TRIM44: variants seen among roughly 807,000 people sequenced by gnomAD.
TRIM44 encodes tripartite motif containing 44.
A neutral mutation model predicts 37.4 loss-of-function variants in TRIM44; 13 were observed. The ratio of observed to expected loss-of-function variants is 0.35; its 90% confidence interval spans 0.23 to 0.55. The LOEUF is 0.55. TRIM44 is among the 20% of genes least tolerant of loss of function. TRIM44 has a pLI of 0.89. For synonymous variants in TRIM44, 175 were observed against 157.2 expected, an observed-to-expected ratio of 1.11 and a Z score of -0.85; for missense variants, 426 against 437.2, an observed-to-expected ratio of 0.97 and a Z score of 0.23.
intron 1 of TRIM44, among the ~76,000 whole-genome samples, chr11:35,682,942 A>G (rs1033141541): frequency 4.6e-5 from 7 of 152,184 alleles, no homozygotes; most frequent in Admixed American, 4.6e-4. Flanking sequence ...GTCATAATAT[A>G]TCAGAGCTCT....
intron 1 of TRIM44, among the ~76,000 whole-genome samples, chr11:35,669,233 T>G (rs181318731): frequency 3.5e-4 from 53 of 152,318 alleles, no homozygotes; most frequent in Admixed American, 9.1e-4. Flanking sequence ...TAGAATCCCC[T>G]TCTACTAAAT....
intron 2 of TRIM44, among the ~76,000 whole-genome samples, chr11:35,712,141 A>G (rs1851982450): frequency 6.6e-6 from 1 of 152,170 alleles, no homozygotes; most frequent in African/African-American, 2.4e-5. Context: ...GTAGTTCAGC[A>G]TAGGTCTGTT....
At chr11:35,668,148 CTTTTG>C (rs565424394) in intron 1 of TRIM44, among the ~76,000 whole-genome samples, 7 of 152,074 alleles carry the variant, frequency 4.6e-5, no homozygotes, top group Non-Finnish European at 8.8e-5. Context: ...TTGGTGCTTT[CTTTTG>C]TTTTGTTTTT....
chr11:35,773,717 C>T (rs1347520901), intron 4 of TRIM44, among the ~76,000 whole-genome samples: 10 of 152,198 alleles, frequency 6.6e-5, no homozygotes, highest in East Asian at 1.9e-4. Flanking sequence ...TGAGAACGTG[C>T]GGTGTTTGGT....
chr11:35,802,815 TG>T (rs2133884332), intron 4 of TRIM44, among the ~76,000 whole-genome samples: 1 of 152,302 alleles, frequency 6.6e-6, no homozygotes, highest in Admixed American at 6.5e-5. Flanking sequence ...TCATTAGGTC[TG>T]GGTTGTCATT....
At chr11:35,801,859 T>TAA (rs575773687) in intron 4 of TRIM44, among the ~76,000 whole-genome samples, 37 of 152,332 alleles carry the variant, frequency 2.4e-4, no homozygotes, top group African/African-American at 8.9e-4. Flanking sequence ...TTCCTTTAGC[T>TAA]AAACTTTTTT....
intron 4 of TRIM44, among the ~76,000 whole-genome samples, chr11:35,767,413 A>G (rs1238393647): frequency 2.6e-5 from 4 of 152,122 alleles, no homozygotes; most frequent in Non-Finnish European, 4.4e-5. Flanking sequence ...GTCACAGGTT[A>G]GGTATGCAAT....
intron 4 of TRIM44, among the ~76,000 whole-genome samples, chr11:35,742,542 T>G (rs1564991653): frequency 2.4e-5 from 3 of 125,328 alleles, no homozygotes; most frequent in Non-Finnish European, 4.6e-5. Context: ...TATAATTATA[T>G]TAATTATATT....
At chr11:35,795,794 C>CA (rs1853276405) in intron 4 of TRIM44, among the ~76,000 whole-genome samples, 1 of 152,070 alleles carries the variant, frequency 6.6e-6, no homozygotes, top group Non-Finnish European at 1.5e-5. Context: ...CTCACTCTAC[C>CA]ATCAACTCAC....
At chr11:35,703,055 A>G (rs908021881) in intron 2 of TRIM44, among the ~76,000 whole-genome samples, 2 of 152,226 alleles carry the variant, frequency 1.3e-5, no homozygotes, top group African/African-American at 4.8e-5. Context: ...CTCCCACCCT[A>G]ATACCGCGCT....
intron 1 of TRIM44, among the ~76,000 whole-genome samples, chr11:35,666,232 C>A (rs1054295225): frequency 6.6e-6 from 1 of 152,166 alleles, no homozygotes; most frequent in Non-Finnish European, 1.5e-5. Context: ...TTTCTTGGTT[C>A]TTCTGTTCTC....
intron 4 of TRIM44, among the ~76,000 whole-genome samples, chr11:35,786,515 G>A (rs1853132770): frequency 6.6e-6 from 1 of 152,150 alleles, no homozygotes; most frequent in East Asian, 1.9e-4. Flanking sequence ...AACAGCTACT[G>A]AGGCCTGGCA....
chr11:35,719,498 C>G (rs1021751928), intron 2 of TRIM44, among the ~76,000 whole-genome samples: 2 of 151,888 alleles, frequency 1.3e-5, no homozygotes, highest in African/African-American at 4.8e-5. Context: ...TAGTATTTTT[C>G]CCAGTCTGTG....
chr11:35,705,714 C>G (rs1365683264), intron 2 of TRIM44, among the ~76,000 whole-genome samples: 1 of 147,142 alleles, frequency 6.8e-6, no homozygotes, highest in Non-Finnish European at 1.5e-5. Context: ...TTGAAACCAA[C>G]GAGAACAAAG....
At chr11:35,793,507 A>G (rs142166418) in intron 4 of TRIM44, among the ~76,000 whole-genome samples, 7 of 152,310 alleles carry the variant, frequency 4.6e-5, no homozygotes, top group Non-Finnish European at 7.3e-5. Flanking sequence ...CCTGTGCGAC[A>G]GAGTGAGACT....
chr11:35,767,592 G>GA (rs986808152), intron 4 of TRIM44, among the ~76,000 whole-genome samples: 1 of 151,708 alleles, frequency 6.6e-6, no homozygotes, highest in South Asian at 2.1e-4. Context: ...TTCTCTGTGG[G>GA]AAAAAAAGTT....
intron 4 of TRIM44, among the ~76,000 whole-genome samples, chr11:35,736,784 C>T (rs1325566025): frequency 6.6e-6 from 1 of 152,232 alleles, no homozygotes; most frequent in Non-Finnish European, 1.5e-5. Context: ...CCACTTCAGA[C>T]TCCATCTTTC....
rs879635805 is a variant in TRIM44 at position 35,708,990 on chromosome 11, C to G, written c.748-16934C>G. ...TGCACTGATGTTGCCATGCCCCCCC[C>G]CCAAAAAAAAAGAACTTTACTGAGA... On this transcript the variant is annotated intron_variant, in intron 2 of 4. Transcript: ENST00000299413. Among the ~76,000 whole-genome samples, 8 of 150,462 alleles carry G rather than the reference C, an allele frequency of 5.3e-5. No individual in the cohort carries two copies. The South Asian group carries it at 6.3e-4, about 12-fold the overall frequency.
chr11:35,739,458 TCA>T (rs1252728842), intron 4 of TRIM44, among the ~76,000 whole-genome samples: 2 of 152,192 alleles, frequency 1.3e-5, no homozygotes, highest in Admixed American at 1.3e-4. Flanking sequence ...CCAAGAGGAT[TCA>T]CACACAGTCC....
Sources: gnomAD v4.1 joint callset for allele counts (sites outside exome capture counted in the v4.1 genomes callset) on GRCh38, gnomAD v4.1.1 for gene constraint, MANE v1.5 for transcripts, NCBI Gene and HGNC (gene_info 2026-07-23, HGNC 2026-07-21) for gene names.